The following PCDHA6 variants were observed in gnomAD, a reference collection of about 807,000 sequenced individuals.
The protein encoded by PCDHA6 is protocadherin alpha 6, also known as protocadherin alpha-6.
PCDHA6 carries 55 observed loss-of-function variants against 60.3 expected under a neutral mutation model. The ratio of observed to expected loss-of-function variants is 0.91; its 90% CI spans 0.73 to 1.14. PCDHA6 has a LOEUF of 1.14. PCDHA6 is among the 50% of genes most tolerant of loss of function. PCDHA6 has a pLI of 0.00. For missense variants in PCDHA6, 1,327 were observed against 1,256.5 expected, an observed-to-expected ratio of 1.06 and a Z score of -0.85; for synonymous variants, 652 against 557.9, an observed-to-expected ratio of 1.17 and a Z score of -2.38.
chr5:140,904,502 G>T (rs1554191560), intron 1 of PCDHA6, among the ~76,000 whole-genome samples: 2 of 151,770 alleles, frequency 1.3e-5, no homozygotes, highest in African/African-American at 4.8e-5. Flanking sequence ...TTTTACAATT[G>T]TGAATTGTGC....
chr5:140,886,129 A>G (rs1428853250), intron 1 of PCDHA6, among the ~76,000 whole-genome samples: 1 of 152,224 alleles, frequency 6.6e-6, no homozygotes, highest in Non-Finnish European at 1.5e-5. Flanking sequence ...TTCCGTAACA[A>G]CCAGATTCTT....
intron 1 of PCDHA6, chr5:140,870,486 G>C (rs1318169830): frequency 5.0e-6 from 8 of 1,614,136 alleles, no homozygotes; most frequent in South Asian, 1.1e-5. Context: ...AGTACACCGT[G>C]TTCGTGAAGG....
At chr5:140,928,718 T>C in intron 1 of PCDHA6, 1 of 1,614,174 alleles carries the variant, frequency 6.2e-7, no homozygotes, top group East Asian at 2.2e-5. Context: ...TCTAGTCTCT[T>C]TAGAATTTCA....
chr5:140,946,936 A>T (rs1344601116), intron 1 of PCDHA6, among the ~76,000 whole-genome samples: 1 of 151,482 alleles, frequency 6.6e-6, no homozygotes, highest in Non-Finnish European at 1.5e-5. Context: ...AGTAGAGTGT[A>T]GTTAAGAATA....
intron 1 of PCDHA6, chr5:140,927,755 C>T (rs1388061408): frequency 6.2e-7 from 1 of 1,614,196 alleles, no homozygotes; most frequent in South Asian, 1.1e-5. Flanking sequence ...CACGTGCACC[C>T]TAAAAGTGGG....
At chr5:140,998,056 C>T (rs1162882949) in intron 3 of PCDHA6, among the ~76,000 whole-genome samples, 1 of 152,160 alleles carries the variant, frequency 6.6e-6, no homozygotes, top group Non-Finnish European at 1.5e-5. Context: ...GTGACATCAT[C>T]ATCAACAGAC....
Position 140,871,268 on chromosome 5 carries a change from G to T in PCDHA6, c.2394+40783G>T, listed in dbSNP as rs368729446. ...CTGCTGCTGTATACGGCGCTGTGGTGGTCGGCAACGCCCACTGAGGGCGCG... is the reference window on the plus strand; with the variant it reads ...CTGCTGCTGTATACGGCGCTGTGGTTGTCGGCAACGCCCACTGAGGGCGCG... On this transcript the variant is annotated intron_variant, in intron 1 of 3. Transcript: ENST00000529310. 53 of 1,613,850 alleles carry T rather than the reference G, an allele frequency of 3.3e-5. No homozygotes were observed. The African/African-American group carries it at 6.7e-4, about 20-fold the overall frequency.
rs2150167979 is a variant in PCDHA6 at position 140,829,443 on chromosome 5, A to G, written c.1352A>G (p.Asn451Ser). Residue 451 changes from asparagine to serine, a missense_variant, in exon 1 of 4, where the codon AAT becomes AGT. Coordinates refer to ENST00000529310, the MANE Select transcript of PCDHA6 (RefSeq NM_018909.4). Reference sequence around the variant, plus strand: ...GTGGAGGTGGCCGACATGAATGACAATGCTCCGGCGTTCGCGCAGCCCGAG... The same window carrying G: ...GTGGAGGTGGCCGACATGAATGACAGTGCTCCGGCGTTCGCGCAGCCCGAG... ...LSVEVADMND[N>S]APAFAQPEYT... 6 of 1,613,850 alleles carry G rather than the reference A, an allele frequency of 3.7e-6. No homozygotes were observed. Among genetic ancestry groups the G allele is most frequent in the Non-Finnish European group, 5.1e-6 (6 of 1,180,044 alleles).
Position 140,969,468 on chromosome 5 carries a change from A to G in PCDHA6, c.2395-9481A>G, listed in dbSNP as rs1554231867. 18 of 1,486,304 alleles carry G rather than the reference A, an allele frequency of 1.2e-5. No individual in the cohort carries two copies. In the South Asian group the frequency reaches 2.5e-4, roughly 21 times the overall value. 92.1% of individuals were successfully genotyped at this position (1,486,304 alleles called of 1,614,324 possible). The stretch of plus-strand genomic sequence containing the variant: ...AAACTGAGTATATATAGTATCCACA[A>G]TTTGATCATAATCTGCTATTTCCTC... On this transcript the variant is annotated intron_variant, in intron 1 of 3. Transcript: ENST00000529310.
chr5:140,904,955 G>A (rs1272284537), intron 1 of PCDHA6, among the ~76,000 whole-genome samples: 1 of 152,120 alleles, frequency 6.6e-6, no homozygotes, highest in Non-Finnish European at 1.5e-5. Context: ...TTTGTCTGAT[G>A]CAGAATTTGT....
At chr5:140,870,229 C>A (rs781897836) in intron 1 of PCDHA6, 3 of 1,614,046 alleles carry the variant, frequency 1.9e-6, no homozygotes, top group South Asian at 1.1e-5. Flanking sequence ...CGTGTCTGAC[C>A]GTGACTCAGG....
chr5:140,996,478 A>C (rs1241472780), intron 3 of PCDHA6, among the ~76,000 whole-genome samples: 1 of 152,214 alleles, frequency 6.6e-6, no homozygotes, highest in East Asian at 1.9e-4. Flanking sequence ...AGTAGTGCTC[A>C]GGCCTGGGCA....
rs148608291 is a variant in PCDHA6, at chr5:140,870,364, G to A, written c.2394+39879G>A. The stretch of plus-strand genomic sequence containing the variant: ...GGACCGCGAGAACGTGTGGGCCTAT[G>A]AACTGGTGGTGACTGCGCGGGATGG... On this transcript the variant is annotated intron_variant, in intron 1 of 3. Transcript: ENST00000529310. 1,110 of 1,614,212 alleles carry A rather than the reference G, an allele frequency of 6.9e-4. 2 individuals are homozygous for A. The highest frequency in any genetic ancestry group is 9.1e-4 in the Non-Finnish European group (1,069 of 1,180,030).
rs957445106 is a variant in PCDHA6, at chr5:140,980,862, G to A, written c.2454-1613G>A. Among the ~76,000 whole-genome samples the A allele has an allele frequency of 5.1e-4, 77 of 152,202 alleles. 2 individuals are homozygous for A. Among genetic ancestry groups the A allele is most frequent in the African/African-American group, 1.7e-3 (72 of 41,546 alleles). ...AATAATACTAATCTTTTTCGTATGT[G>A]TGCTTGGGTGTTCTCGGTCTTTCCA... On this transcript the variant is annotated intron_variant, in intron 2 of 3. Coordinates refer to ENST00000529310, the MANE Select transcript of PCDHA6 (RefSeq NM_018909.4).
At chr5:140,968,252 C>A (rs201156874) in intron 1 of PCDHA6, 7 of 1,613,948 alleles carry the variant, frequency 4.3e-6, no homozygotes, top group Non-Finnish European at 8.5e-7. Context: ...AGCCACAGAC[C>A]CAGATGAAAA....
At chr5:140,840,559 A>G (rs1776766288) in intron 1 of PCDHA6, among the ~76,000 whole-genome samples, 1 of 152,098 alleles carries the variant, frequency 6.6e-6, no homozygotes, top group Non-Finnish European at 1.5e-5. Flanking sequence ...CAATACTGCT[A>G]GAGTTTGGCA....
intron 1 of PCDHA6, chr5:140,883,108 AT>A (rs1261032162): frequency 6.2e-7 from 1 of 1,614,018 alleles, no homozygotes; most frequent in Non-Finnish European, 8.5e-7. Flanking sequence ...TAGTTTACTC[AT>A]TTAGAAGGCC....
At position 140,843,305 on chromosome 5, in the gene PCDHA6, A is replaced by T. The variant is rs2150356964; in HGVS notation, c.2394+12820A>T. ...TCATGGTGAACCTGCGCTGACCGCCACGGCCACGGTTCTGGTGTCGCTGGT... is the reference window on the plus strand; with the variant it reads ...TCATGGTGAACCTGCGCTGACCGCCTCGGCCACGGTTCTGGTGTCGCTGGT... On this transcript the variant is annotated intron_variant, in intron 1 of 3. Coordinates refer to ENST00000529310, the MANE Select transcript of PCDHA6 (RefSeq NM_018909.4). 1.9e-6 allele frequency: 3 copies of T among 1,595,938 alleles called. No homozygotes were observed. In the East Asian group the frequency reaches 6.7e-5, roughly 36 times the overall value.
intron 2 of PCDHA6, among the ~76,000 whole-genome samples, chr5:140,980,413 T>C (rs1218867656): frequency 6.6e-6 from 1 of 152,086 alleles, no homozygotes; most frequent in Admixed American, 6.6e-5. Context: ...GGGCAGATCA[T>C]GAGGTCAAGA....
Sources: gnomAD v4.1 joint callset for allele counts (sites outside exome capture counted in the v4.1 genomes callset) on GRCh38, gnomAD v4.1.1 for gene constraint, MANE v1.5 for transcripts, NCBI Gene and HGNC (gene_info 2026-07-23, HGNC 2026-07-21) for gene names.